CELF2: variants seen among roughly 807,000 people sequenced by gnomAD.
CELF2 encodes the protein CUG triplet repeat RNA-binding protein 2.
CELF2 carries 8 observed loss-of-function variants against 62.6 expected under a neutral mutation model. The ratio of observed to expected loss-of-function variants is 0.13; its 90% confidence interval spans 0.07 to 0.23. The LOEUF is 0.23. CELF2 is among the 10% of genes least tolerant of loss of function. The pLI is 1.00. For synonymous variants in CELF2, 258 were observed against 250.0 expected (o/e 1.03, Z -0.30); for missense variants, 333 against 671.0 (o/e 0.50, Z 5.56).
the CELF2 span, among the ~76,000 whole-genome samples, chr10:10,613,042 A>T: frequency 6.6e-6 from 1 of 152,224 alleles, no homozygotes; most frequent in African/African-American, 2.4e-5. Flanking sequence ...AAGCAGCCTA[A>T]AGAAACGCTC....
chr10:10,481,083 G>A, the CELF2 span, among the ~76,000 whole-genome samples: 1 of 152,028 alleles, frequency 6.6e-6, no homozygotes, highest in Non-Finnish European at 1.5e-5. Context: ...AAAAGATCTT[G>A]CTCAGTGTTA....
At chr10:10,950,367 G>C (rs1406310566) in intron 2 of CELF2, among the ~76,000 whole-genome samples, 1 of 152,114 alleles carries the variant, frequency 6.6e-6, no homozygotes, top group Non-Finnish European at 1.5e-5. Context: ...TGAACAAATG[G>C]GGCAAAGGGC....
At chr10:10,913,937 GA>G (rs2064085784) in intron 1 of CELF2, among the ~76,000 whole-genome samples, 2 of 146,974 alleles carry the variant, frequency 1.4e-5, no homozygotes, top group South Asian at 4.4e-4. Context: ...GAAAGGGAAG[GA>G]AGAGAGGAAG....
At chr10:10,501,618 G>A in the CELF2 span, among the ~76,000 whole-genome samples, 1 of 152,170 alleles carries the variant, frequency 6.6e-6, no homozygotes, top group South Asian at 2.1e-4. Flanking sequence ...ATATACAAGT[G>A]CAACTGATTT....
chr10:10,909,682 G>A (rs565433885), intron 1 of CELF2, among the ~76,000 whole-genome samples: 104 of 152,282 alleles, frequency 6.8e-4, no homozygotes, highest in African/African-American at 2.5e-3. Flanking sequence ...TGGCTGTTAG[G>A]CGAATGAAGT....
chr10:10,651,432 A>T, the CELF2 span, among the ~76,000 whole-genome samples: 1 of 140,292 alleles, frequency 7.1e-6, no homozygotes, highest in Non-Finnish European at 1.6e-5. Flanking sequence ...ACAGACAAAC[A>T]AAAAGACAGC....
intron 1 of CELF2, among the ~76,000 whole-genome samples, chr10:11,100,128 C>T (rs59652349): frequency 0.17 from 25,669 of 151,974 alleles, 3,654 homozygotes; most frequent in East Asian, 0.73. Context: ...CACTTGGACC[C>T]AGGAGGCAGA....
Position 10,936,451 on chromosome 10 carries a change from T to G in CELF2, c.89+16452T>G, listed in dbSNP as rs190991349. The stretch of plus-strand genomic sequence containing the variant: ...TTGCATCGTCTCCTTGTTTCACAGA[T>G]GAATAGGCTGAAGATCAGACAGTGG... On this transcript the variant is annotated intron_variant, in intron 2 of 13. Coordinates refer to the CELF2 transcript ENST00000636488. The surrounding 1 kb of genome is among the most constrained non-coding windows in gnomAD (Gnocchi z 4.0). Among the ~76,000 whole-genome samples the G allele has an allele frequency of 3.3e-5, 5 of 152,282 alleles. No homozygotes were observed. The highest frequency in any genetic ancestry group is 1.2e-4 in the African/African-American group (5 of 41,564).
At chr10:11,081,818 A>G (rs1236551840) in intron 1 of CELF2, among the ~76,000 whole-genome samples, 1 of 152,204 alleles carries the variant, frequency 6.6e-6, no homozygotes, top group Non-Finnish European at 1.5e-5. Flanking sequence ...TTACCTTAAG[A>G]AAGAAAGGCT....
At position 11,024,197 on chromosome 10, in the gene CELF2, G is replaced by A. The variant is rs141918281; in HGVS notation, c.74+6034G>A. The stretch of plus-strand genomic sequence containing the variant: ...AGATCTTCATTTAAACAATCTGTGC[G>A]TCCTCCAGATCAGCAGCCCAGGAGT... On this transcript the variant is annotated intron_variant, in intron 1 of 12. Coordinates refer to ENST00000633077, the MANE Select transcript of CELF2 (RefSeq NM_001326342.2). Among the ~76,000 whole-genome samples the A allele has an allele frequency of 5.2e-3, 787 of 152,316 alleles. 6 individuals are homozygous for A. The highest frequency in any genetic ancestry group is 0.018 in the African/African-American group (743 of 41,564).
chr10:10,748,125 T>C, the CELF2 span, among the ~76,000 whole-genome samples: 1 of 152,018 alleles, frequency 6.6e-6, no homozygotes, highest in South Asian at 2.1e-4. Flanking sequence ...GGTGTGAACA[T>C]ACAGTGAAAT....
At chr10:11,298,209 C>T (rs1223077229) in intron 9 of CELF2, among the ~76,000 whole-genome samples, 1 of 152,152 alleles carries the variant, frequency 6.6e-6, no homozygotes, top group Non-Finnish European at 1.5e-5. Context: ...TCTCCTGTGG[C>T]GAGGGGGATG....
chr10:10,802,267 C>G (rs112331533), intron 1 of CELF2, among the ~76,000 whole-genome samples: 1,684 of 152,102 alleles, frequency 0.011, 33 homozygotes, highest in African/African-American at 0.039. Flanking sequence ...GTCAAGAGAT[C>G]GAGACCATCC....
the CELF2 span, among the ~76,000 whole-genome samples, chr10:10,729,552 G>C: frequency 6.6e-6 from 1 of 151,998 alleles, no homozygotes; most frequent in African/African-American, 2.4e-5. Flanking sequence ...GATAAGATAA[G>C]ACAAAGATCG....
At chr10:11,108,938 T>C (rs1321215389) in intron 1 of CELF2, among the ~76,000 whole-genome samples, 1 of 152,244 alleles carries the variant, frequency 6.6e-6, no homozygotes, top group Non-Finnish European at 1.5e-5. Context: ...TAATCCTCTG[T>C]TCACTGTTAG....
At chr10:10,572,530 C>T in the CELF2 span, among the ~76,000 whole-genome samples, 1 of 151,906 alleles carries the variant, frequency 6.6e-6, no homozygotes, top group South Asian at 2.1e-4. Flanking sequence ...CTGACAAGCC[C>T]CAATGTGTGT....
chr10:10,820,682 G>A (rs2056881316), intron 1 of CELF2, among the ~76,000 whole-genome samples: 1 of 152,174 alleles, frequency 6.6e-6, no homozygotes, highest in South Asian at 2.1e-4. Flanking sequence ...ATCAAGAAAG[G>A]AGTTCCTGAG....
chr10:10,985,817 C>T (rs934732300), intron 2 of CELF2, among the ~76,000 whole-genome samples: 29 of 152,202 alleles, frequency 1.9e-4, no homozygotes, highest in African/African-American at 7.0e-4. Flanking sequence ...GCTGGGTCTG[C>T]ACGTGGGCCT....
intron 1 of CELF2, among the ~76,000 whole-genome samples, chr10:11,051,742 G>T (rs1291886): frequency 0.16 from 24,671 of 152,006 alleles, 3,194 homozygotes; most frequent in African/African-American, 0.36. Context: ...TGGTAAAGCT[G>T]GTCAAGGAAG....
Sources: allele counts gnomAD v4.1 joint callset (sites outside exome capture counted in the v4.1 genomes callset), GRCh38; gene constraint gnomAD v4.1.1; non-coding constraint Gnocchi (gnomAD v3.1); transcripts MANE v1.5; gene names NCBI Gene and HGNC (gene_info 2026-07-23, HGNC 2026-07-21).